Variants in PBRM1 observed in about 807,000 individuals in gnomAD.
The protein encoded by PBRM1 is polybromo 1, also known as protein polybromo-1.
Under a neutral mutation model 194.5 loss-of-function variants are expected in PBRM1, and 27 were observed. The observed-to-expected ratio is 0.14, with a 90% CI of 0.10 to 0.19. The LOEUF (loss-of-function observed/expected upper bound fraction) is 0.19. Among genes scored for constraint, PBRM1 ranks in the 10% least tolerant of loss-of-function variants. PBRM1 has a pLI of 1.00. For synonymous variants in PBRM1, 655 were observed against 693.2 expected (o/e 0.94, Z 0.87); for missense variants, 1,466 against 2,077.2 (o/e 0.71, Z 5.72).
chr3:52,647,604 T>A (rs1560748472), intron 7 of PBRM1, among the ~76,000 whole-genome samples: 1 of 151,044 alleles, frequency 6.6e-6, no homozygotes, highest in African/African-American at 2.4e-5. Context: ...AATGGGTAAA[T>A]AAAATACAGT....
chr3:52,664,036 G>A (rs946984849), intron 3 of PBRM1, among the ~76,000 whole-genome samples: 1 of 150,314 alleles, frequency 6.7e-6, no homozygotes, highest in Non-Finnish European at 1.5e-5. Context: ...CTCCAGCCTG[G>A]GTGACAAAGC....
chr3:52,685,912 C>T, upstream of PBRM1: 2 of 652,806 alleles, frequency 3.1e-6, no homozygotes, highest in South Asian at 3.4e-5. Context: ...CGCCGCAAAA[C>T]CAGTCCCGCG....
intron 20 of PBRM1, among the ~76,000 whole-genome samples, chr3:52,581,932 G>A (rs915003359): frequency 6.6e-6 from 1 of 152,118 alleles, no homozygotes; most frequent in Non-Finnish European, 1.5e-5. Flanking sequence ...CACCGAGCAC[G>A]GCCTAAAGTT....
intron 20 of PBRM1, chr3:52,585,772 A>T (rs2092283513): frequency 6.6e-6 from 1 of 151,470 alleles, no homozygotes; most frequent in Non-Finnish European, 1.5e-5. Flanking sequence ...TAATCCACCC[A>T]TCTTGGCCTC....
Position 52,634,834 on chromosome 3 carries a change from T to G in PBRM1, c.1088-19A>C. ...CGTGCAGCTGGAAAGACAAAAAAAG[T>G]ATTTATAAAGGGACGAATGAGATGA... On this transcript the variant is annotated intron_variant, in intron 10 of 29. Transcript: ENST00000296302. 6.3e-7 allele frequency: 1 copy of G among 1,575,014 alleles called. No individual in the cohort carries two copies. The highest frequency in any genetic ancestry group is 2.2e-5 in the East Asian group (1 of 44,662).
intron 15 of PBRM1, among the ~76,000 whole-genome samples, 154 bp downstream of exon 17, chr3:52,615,197 C>T (rs1346967799): frequency 6.6e-6 from 1 of 152,188 alleles, no homozygotes. Context: ...ACTTAAAATA[C>T]AGTAAATGAG....
chr3:52,550,717 A>T, intron 28 of PBRM1, 30 bp downstream of exon 30: 1 of 1,596,308 alleles, frequency 6.3e-7, no homozygotes, highest in Non-Finnish European at 8.6e-7. Context: ...AATTCTGTCA[A>T]GTCCTAGAAA....
intron 14 of PBRM1, 113 bp from the exon 17 acceptor site, chr3:52,615,569 A>G: frequency 1.5e-6 from 1 of 647,706 alleles, no homozygotes; most frequent in Admixed American, 2.5e-5. Context: ...GAGCTTAAAG[A>G]AAACCAAAAC....
chr3:52,565,512 A>T (rs1376956957), intron 22 of PBRM1, among the ~76,000 whole-genome samples: 2 of 151,180 alleles, frequency 1.3e-5, no homozygotes, highest in Non-Finnish European at 3.0e-5. Flanking sequence ...AGTCTCAAAA[A>T]AAAAAAAAGG....
intron 7 of PBRM1, among the ~76,000 whole-genome samples, chr3:52,645,927 C>T (rs968453297): frequency 3.9e-5 from 6 of 152,294 alleles, no homozygotes; most frequent in Admixed American, 6.5e-5. Context: ...TGAGGGACTA[C>T]GGACAACTAA....
upstream of PBRM1, among the ~76,000 whole-genome samples, chr3:52,683,450 T>C (rs1232911486): frequency 1.3e-5 from 2 of 152,058 alleles, no homozygotes; most frequent in African/African-American, 4.8e-5. Flanking sequence ...TTCATTTTTG[T>C]AGACCTGTCT....
At chr3:52,586,340 T>G in intron 20 of PBRM1, 85 bp downstream of exon 22, 1 of 1,181,636 alleles carries the variant, frequency 8.5e-7, no homozygotes, top group Non-Finnish European at 1.2e-6. Flanking sequence ...GCTCTTTTTC[T>G]AAGTTTGAAT....
intron 18 of PBRM1, among the ~76,000 whole-genome samples, chr3:52,588,665 C>T (rs1460672700): frequency 1.3e-5 from 2 of 151,542 alleles, no homozygotes; most frequent in Non-Finnish European, 2.9e-5. Context: ...CGCCATTCTC[C>T]TGCCTCAGCC....
At chr3:52,629,020 A>T (rs2153597890) in exon 12 of PBRM1, 1 of 1,608,490 alleles carries the variant, frequency 6.2e-7, no homozygotes, top group Non-Finnish European at 8.5e-7. Flanking sequence ...CATATTCTTG[A>T]TTCTTCAGTT....
At chr3:52,593,316 A>G (rs922190551) in intron 17 of PBRM1, among the ~76,000 whole-genome samples, 1 of 152,022 alleles carries the variant, frequency 6.6e-6, no homozygotes, top group African/African-American at 2.4e-5. Flanking sequence ...GCAGTGGCAC[A>G]ATCTTGGCTC....
chr3:52,682,410 G>C (rs1401575537), upstream of PBRM1, among the ~76,000 whole-genome samples: 1 of 148,308 alleles, frequency 6.7e-6, no homozygotes, highest in African/African-American at 2.5e-5. Flanking sequence ...ATTTTGGCAG[G>C]AGTTCAAAAT....
intron 10 of PBRM1, among the ~76,000 whole-genome samples, chr3:52,638,624 C>T (rs983859129): frequency 2.0e-5 from 3 of 151,616 alleles, no homozygotes; most frequent in Non-Finnish European, 2.9e-5. Context: ...GACAGAGTCT[C>T]GTTCTGTTGC....
intron 17 of PBRM1, among the ~76,000 whole-genome samples, chr3:52,592,840 T>C (rs1376578201): frequency 1.3e-5 from 2 of 152,212 alleles, no homozygotes; most frequent in African/African-American, 2.4e-5. Flanking sequence ...CAGAGCTTGT[T>C]ATTGGTCTGT....
intron 2 of PBRM1, among the ~76,000 whole-genome samples, chr3:52,677,689 A>G (rs1333178654): frequency 2.0e-5 from 3 of 152,196 alleles, no homozygotes; most frequent in Admixed American, 2.0e-4. Flanking sequence ...CTAGGATTAC[A>G]GGAATGAGCC....
Sources: allele counts gnomAD v4.1 joint callset (sites outside exome capture counted in the v4.1 genomes callset), GRCh38; gene constraint gnomAD v4.1.1; transcripts MANE v1.5; gene names NCBI Gene and HGNC (gene_info 2026-07-23, HGNC 2026-07-21).